Variants in SLC25A4 observed in about 807,000 individuals in gnomAD.
SLC25A4 encodes the protein solute carrier family 25 member 4.
In SLC25A4, 10 loss-of-function variants were observed where a neutral mutation model predicts 24.7. That is an observed-to-expected ratio of 0.41 (90% confidence interval 0.25 to 0.69). SLC25A4 has a LOEUF of 0.69. Among genes scored for constraint, SLC25A4 ranks in the 30% least tolerant of loss-of-function variants. The probability of loss-of-function intolerance (pLI) is 0.35; values close to 1 mark genes in which losing one functional copy is unlikely to be tolerated. For missense variants in SLC25A4, 273 were observed against 387.6 expected, an observed-to-expected ratio of 0.70 and a Z score of 2.48; for synonymous variants, 125 against 153.3, an observed-to-expected ratio of 0.82 and a Z score of 1.36.
In SLC25A4 at chr4:185,143,348, G is replaced by T; in HGVS notation, c.-25G>T. 1.4e-6 allele frequency: 2 copies of T among 1,401,922 alleles called. No individual in the cohort carries two copies. The highest frequency in any genetic ancestry group is 2.0e-6 in the Non-Finnish European group (2 of 1,021,254). 86.8% of individuals were successfully genotyped at this position (1,401,922 alleles called of 1,614,324 possible). On this transcript the variant is annotated 5_prime_UTR_variant, in exon 1 of 4. Transcript: ENST00000281456. ...GCGAGAGCACGAACGGGCTGCCTGCGGGCTGAGAGCGTCGAGCTGTCACCA... is the reference window on the plus strand; with the variant it reads ...GCGAGAGCACGAACGGGCTGCCTGCTGGCTGAGAGCGTCGAGCTGTCACCA...
In SLC25A4 at chr4:185,148,475, TAGAC is replaced by T. The variant is rs1734482730; in HGVS notation, c.*1506_*1509del. On this transcript the variant is annotated 3_prime_UTR_variant, in exon 4 of 4. Coordinates refer to ENST00000281456, the MANE Select transcript of SLC25A4 (RefSeq NM_001151.4). Reference sequence around the variant, plus strand: ...GGGAGAAAAGGTGAAATTCCATTGTTAGACAATTTGTTTAAGACAATACATCTTG... The same window carrying T: ...GGGAGAAAAGGTGAAATTCCATTGTTAATTTGTTTAAGACAATACATCTTG... 2 of 152,220 alleles carry T rather than the reference TAGAC, an allele frequency of 1.3e-5. No individual in the cohort carries two copies. Among genetic ancestry groups the T allele is most frequent in the African/African-American group, 4.8e-5 (2 of 41,452 alleles). The allele number at this position is 152,220 out of a possible 1,614,324, so 9.4% of individuals were successfully genotyped here. A position where few individuals can be genotyped will look rare whatever the true frequency, so the allele number is the denominator to read the frequency against.
In SLC25A4 at chr4:185,149,090, C is replaced by T. The variant is rs936338239; in HGVS notation, c.*2119C>T. The stretch of plus-strand genomic sequence containing the variant: ...AAGGTACCTCTCCATCCTGTCTCCT[C>T]GAGGCCAGGCAGCACATGTGCAGTT... On this transcript the variant is annotated 3_prime_UTR_variant, in exon 4 of 4. Coordinates refer to ENST00000281456, the MANE Select transcript of SLC25A4 (RefSeq NM_001151.4). 3 of 152,292 alleles carry T rather than the reference C, an allele frequency of 2.0e-5. No homozygotes were observed. Among genetic ancestry groups the T allele is most frequent in the African/African-American group, 7.2e-5 (3 of 41,450 alleles). 9.4% of individuals were successfully genotyped at this position (152,292 alleles called of 1,614,324 possible).
rs1476829077 is a variant in SLC25A4 at position 185,147,976 on chromosome 4, G to GT, written c.*1006dup. 16 of 148,690 alleles carry GT rather than the reference G, an allele frequency of 1.1e-4. No individual in the cohort carries two copies. The highest frequency in any genetic ancestry group is 2.4e-4 in the Non-Finnish European group (16 of 67,380). 9.2% of individuals were successfully genotyped at this position (148,690 alleles called of 1,614,324 possible). A position where few individuals can be genotyped will look rare whatever the true frequency, so the allele number is the denominator to read the frequency against. On this transcript the variant is annotated 3_prime_UTR_variant, in exon 4 of 4. Transcript: ENST00000281456. ...ATCCTAAGCGACAGGGCAAGACTCT[G>GT]TCTCAAAAAAAAAAAAAAGAAAGAA... is the stretch of plus-strand genomic sequence containing the variant.
Position 185,144,307 on chromosome 4 carries a change from G to A in SLC25A4, c.112-457G>A, listed in dbSNP as rs146976745. 1.5e-4 allele frequency among the ~76,000 whole-genome samples: 23 copies of A among 152,282 alleles called. No individual in the cohort carries two copies. The East Asian group carries it at 4.2e-3, about 28-fold the overall frequency. ...TCTCCTTCCTCTATTAGAGCATCTAGTAGAGATCCTCATCTCCAGGGTGAT... is the reference window on the plus strand; with the variant it reads ...TCTCCTTCCTCTATTAGAGCATCTAATAGAGATCCTCATCTCCAGGGTGAT... On this transcript the variant is annotated intron_variant, in intron 1 of 3. Transcript: ENST00000281456.
Position 185,149,073 on chromosome 4 carries a change from T to G in SLC25A4, c.*2102T>G, listed in dbSNP as rs926920732. 6.6e-6 allele frequency: 1 copy of G among 152,222 alleles called. No homozygotes were observed. Among genetic ancestry groups the G allele is most frequent in the Admixed American group, 6.5e-5 (1 of 15,274 alleles). 9.4% of individuals were successfully genotyped at this position (152,222 alleles called of 1,614,324 possible). A position where few individuals can be genotyped will look rare whatever the true frequency, so the allele number is the denominator to read the frequency against. On this transcript the variant is annotated 3_prime_UTR_variant, in exon 4 of 4. Transcript: ENST00000281456. Reference sequence around the variant, plus strand: ...TCTAAAGGGCTAAAAAGAAGGTACCTCTCCATCCTGTCTCCTCGAGGCCAG... The same window carrying G: ...TCTAAAGGGCTAAAAAGAAGGTACCGCTCCATCCTGTCTCCTCGAGGCCAG...
Position 185,145,811 on chromosome 4 carries a change from C to A in SLC25A4, c.651C>A (p.Ala217=), listed in dbSNP as rs368649185. The change falls in exon 3 of 4, where the codon GCC becomes GCA. Residue 217 remains alanine (A), a synonymous_variant. Transcript: ENST00000281456. The surrounding 1 kb of genome is among the most constrained non-coding windows in gnomAD (Gnocchi z 5.5). The part of the protein sequence containing the change: ...NVHIFVSWMI[A]QSVTAVAGLV... ...ACATTTTTGTGAGCTGGATGATTGC[C>A]CAGAGTGTGACGGCAGTCGCAGGGC... The A allele has an allele frequency of 3.7e-6, 6 of 1,614,056 alleles. No homozygotes were observed. In the African/African-American group the frequency reaches 8.0e-5, roughly 22 times the overall value.
At position 185,149,278 on chromosome 4, in the gene SLC25A4, T is replaced by C. The variant is rs2046535; in HGVS notation, c.*2307T>C. On this transcript the variant is annotated 3_prime_UTR_variant, in exon 4 of 4. Coordinates refer to ENST00000281456, the MANE Select transcript of SLC25A4 (RefSeq NM_001151.4). Reference sequence around the variant, plus strand: ...CAAGTTTAGGAGGAGGAAGACCTGATACAATGAATGAACAGTGCGTCCTCC... The same window carrying C: ...CAAGTTTAGGAGGAGGAAGACCTGACACAATGAATGAACAGTGCGTCCTCC... The C allele has an allele frequency of 0.43, 66,054 of 152,034 alleles. 15,873 individuals carry two copies. Among genetic ancestry groups the C allele is most frequent in the East Asian group, 0.73 (3,741 of 5,156 alleles). The allele number at this position is 152,034 out of a possible 1,614,324, so 9.4% of individuals were successfully genotyped here. A position where few individuals can be genotyped will look rare whatever the true frequency, so the allele number is the denominator to read the frequency against.
Position 185,144,956 on chromosome 4 carries a change from G to A in SLC25A4, c.304G>A (p.Gly102Ser). The A allele has an allele frequency of 6.2e-7, 1 of 1,614,170 alleles. No individual in the cohort carries two copies. Among genetic ancestry groups the A allele is most frequent in the Non-Finnish European group, 8.5e-7 (1 of 1,180,036 alleles). Residue 102 changes from glycine (G) to serine (S), a missense_variant, in exon 2 of 4, where the codon GGT (glycine) becomes AGT (serine). Transcript: ENST00000281456. ...KDKYKQLFLGGVDRHKQFWRY... is the reference protein window; with the variant it reads ...KDKYKQLFLGSVDRHKQFWRY... ...CAAGTACAAGCAGCTCTTCTTAGGG[G>A]GTGTGGATCGGCATAAGCAGTTCTG...
At chr4:185,146,536 C>A (rs756305083) in intron 3 of SLC25A4, among the ~76,000 whole-genome samples, 4 of 152,196 alleles carry the variant, frequency 2.6e-5, no homozygotes, top group Non-Finnish European at 5.9e-5. Context: ...TGCTCCACTG[C>A]GCCCTTCTTG....
chr4:185,144,097 C>T (rs1445426730), intron 1 of SLC25A4, among the ~76,000 whole-genome samples: 2 of 152,210 alleles, frequency 1.3e-5, no homozygotes, highest in South Asian at 2.1e-4. Context: ...TTATCATCCT[C>T]TCGTGTTTTC....
rs1560840983 is a variant in SLC25A4, at chr4:185,143,378, TG to T, written c.7del (p.Asp3IlefsTer7). The T allele has an allele frequency of 6.6e-7, 1 of 1,526,252 alleles. No homozygotes were observed. The highest frequency in any genetic ancestry group is 2.5e-5 in the East Asian group (1 of 39,268). The allele number at this position is 1,526,252 out of a possible 1,614,324, so 94.5% of individuals were successfully genotyped here. On this transcript the variant is annotated frameshift_variant, in exon 1 of 4. Transcript: ENST00000281456. LOFTEE classifies it high-confidence loss of function. Reference protein sequence around the residue: MGDHAWSFLKDFL... With the variant: MGXHAWSFLKDFL... ...GAGAGCGTCGAGCTGTCACCATGGGTGATCACGCTTGGAGCTTCCTAAAGGA... is the reference window on the plus strand; with the variant it reads ...GAGAGCGTCGAGCTGTCACCATGGGTATCACGCTTGGAGCTTCCTAAAGGA...
At position 185,145,998 on chromosome 4, in the gene SLC25A4, A is replaced by G; in HGVS notation, c.739+99A>G. 1 of 1,414,788 alleles carries G rather than the reference A, an allele frequency of 7.1e-7. No individual in the cohort carries two copies. The highest frequency in any genetic ancestry group is 9.8e-7 in the Non-Finnish European group (1 of 1,021,872). 87.6% of individuals were successfully genotyped at this position (1,414,788 alleles called of 1,614,324 possible). On this transcript the variant is annotated intron_variant, in intron 3 of 3. Coordinates refer to ENST00000281456, the MANE Select transcript of SLC25A4 (RefSeq NM_001151.4). This position sits in a 1 kb window ranked among gnomAD's most constrained non-coding sequence, Gnocchi z 5.5. ...TCTTCCTTACTGGAAATTAATTTTCAAAATTATTTGATAAGGACTTAGGGA... is the reference window on the plus strand; with the variant it reads ...TCTTCCTTACTGGAAATTAATTTTCGAAATTATTTGATAAGGACTTAGGGA...
At chr4:185,144,699 T>TTC (rs2111285231) in intron 1 of SLC25A4, 65 bp from the exon 2 acceptor site, 1 of 1,536,818 alleles carries the variant, frequency 6.5e-7, no homozygotes, top group East Asian at 2.2e-5. Flanking sequence ...CCTTTTTTTT[T>TTC]CTCCTGTCCT....
rs1219763934 is a variant in SLC25A4 at position 185,143,609 on chromosome 4, C to G, written c.111+126C>G. The G allele has an allele frequency of 6.3e-3, 159 of 25,234 alleles. 1 individual carries two copies. Among genetic ancestry groups the G allele is most frequent in the African/African-American group, 0.015 (156 of 10,420 alleles). The allele number at this position is 25,234 out of a possible 1,614,324, so 1.6% of individuals were successfully genotyped here. On this transcript the variant is annotated intron_variant, in intron 1 of 3. Coordinates refer to ENST00000281456, the MANE Select transcript of SLC25A4 (RefSeq NM_001151.4). ...TGCGCCAGGCCACAGGCCCGGGCGCCCGCCCGCCCGCCCGCCCGCCCGCGG... is the reference window on the plus strand; with the variant it reads ...TGCGCCAGGCCACAGGCCCGGGCGCGCGCCCGCCCGCCCGCCCGCCCGCGG...
intron 1 of SLC25A4, among the ~76,000 whole-genome samples, chr4:185,144,356 A>G (rs1199777365): frequency 1.3e-5 from 2 of 152,092 alleles, no homozygotes; most frequent in Non-Finnish European, 2.9e-5. Context: ...AGAAATTGTC[A>G]TTTTTTGGCC....
chr4:185,147,979 T>C lies in SLC25A4; in HGVS notation c.*1008T>C, dbSNP rs1373534027. ...CTAAGCGACAGGGCAAGACTCTGTCTCAAAAAAAAAAAAAAGAAAGAAAAT... is the reference window on the plus strand; with the variant it reads ...CTAAGCGACAGGGCAAGACTCTGTCCCAAAAAAAAAAAAAAGAAAGAAAAT... On this transcript the variant is annotated 3_prime_UTR_variant, in exon 4 of 4. Transcript: ENST00000281456. The C allele has an allele frequency of 6.9e-6, 1 of 144,606 alleles. No homozygotes were observed. The highest frequency in any genetic ancestry group is 2.6e-5 in the African/African-American group (1 of 38,922). 9.0% of individuals were successfully genotyped at this position (144,606 alleles called of 1,614,324 possible). A position where few individuals can be genotyped will look rare whatever the true frequency, so the allele number is the denominator to read the frequency against.
rs1175228714 is a variant in SLC25A4, at chr4:185,149,994, C to A, written c.*3023C>A. 1 of 152,220 alleles carries A rather than the reference C, an allele frequency of 6.6e-6. No individual in the cohort carries two copies. The highest frequency in any genetic ancestry group is 6.5e-5 in the Admixed American group (1 of 15,280). The allele number at this position is 152,220 out of a possible 1,614,324, so 9.4% of individuals were successfully genotyped here. A position where few individuals can be genotyped will look rare whatever the true frequency, so the allele number is the denominator to read the frequency against. On this transcript the variant is annotated 3_prime_UTR_variant, in exon 4 of 4. Transcript: ENST00000281456. The stretch of plus-strand genomic sequence containing the variant: ...ATCTCAATTAACTGGGCGACTGCTC[C>A]CGTTCCATTTTATTCTGTAAAATAT...
At position 185,147,059 on chromosome 4, in the gene SLC25A4, G is replaced by A. The variant is rs763730709; in HGVS notation, c.*88G>A. The A allele has an allele frequency of 5.5e-6, 7 of 1,269,400 alleles. No homozygotes were observed. The highest frequency in any genetic ancestry group is 7.9e-6 in the Non-Finnish European group (7 of 890,290). The allele number at this position is 1,269,400 out of a possible 1,614,324, so 78.6% of individuals were successfully genotyped here. ...TGTGTGGTTTAATAGACTATTCCTA[G>A]GGGAAGTAAAAAGATCTGGGATAAA... On this transcript the variant is annotated 3_prime_UTR_variant, in exon 4 of 4. Coordinates refer to ENST00000281456, the MANE Select transcript of SLC25A4 (RefSeq NM_001151.4).
At chr4:185,143,552 G>A in intron 1 of SLC25A4, 69 bp downstream of exon 1, 2 of 532,572 alleles carry the variant, frequency 3.8e-6, no homozygotes, top group Non-Finnish European at 4.9e-6. Flanking sequence ...GATGCGGCGC[G>A]AGCTGCAGGG....
Sources: allele counts gnomAD v4.1 joint callset (sites outside exome capture counted in the v4.1 genomes callset), GRCh38; gene constraint gnomAD v4.1.1; non-coding constraint Gnocchi (gnomAD v3.1); transcripts MANE v1.5; gene names NCBI Gene and HGNC (gene_info 2026-07-23, HGNC 2026-07-21).